Variants in FSCN3 observed in about 807,000 individuals in gnomAD.
FSCN3 encodes fascin-3.
Under a neutral mutation model 53.5 loss-of-function variants are expected in FSCN3, and 43 were observed. The ratio of observed to expected loss-of-function variants is 0.80; its 90% confidence interval spans 0.63 to 1.04. The LOEUF is 1.04. Among genes scored for constraint, FSCN3 ranks in the 50% least tolerant of loss-of-function variants. The pLI, the probability that FSCN3 is intolerant of heterozygous loss-of-function variation, is 0.00. For synonymous variants in FSCN3, 235 were observed against 246.6 expected, an observed-to-expected ratio of 0.95 and a Z score of 0.44; for missense variants, 594 against 646.5, an observed-to-expected ratio of 0.92 and a Z score of 0.88.
chr7:127,596,248 G>T, intron 2 of FSCN3, 80 bp from the exon 3 acceptor site: 2 of 1,538,460 alleles, frequency 1.3e-6, no homozygotes, highest in East Asian at 2.3e-5. Flanking sequence ...AGGAGGGAGG[G>T]ACAGAAGCCC....
rs752646312 is a variant in FSCN3 at position 127,596,319 on chromosome 7, C to T, written c.842-9C>T. 1 of 1,594,264 alleles carries T rather than the reference C, an allele frequency of 6.3e-7. No homozygotes were observed. The highest frequency in any genetic ancestry group is 1.7e-5 in the Admixed American group (1 of 59,926). ...GGGAGGCTTTTACTGACATGCGCTT[C>T]CTCTGCAGATGGTGAGGTGCGTGCT... On this transcript the variant is annotated splice_polypyrimidine_tract_variant and intron_variant, in intron 2 of 6. Coordinates refer to ENST00000265825, the MANE Select transcript of FSCN3 (RefSeq NM_020369.3).
rs546093614 is a variant in FSCN3 at position 127,594,136 on chromosome 7, G to A, written c.144+139G>A. ...CTTGCCTGTATATGAAAGTATACTG[G>A]AACCGGTTTTCTGAGTGGCCAAGCT... On this transcript the variant is annotated intron_variant, in intron 1 of 6. Coordinates refer to ENST00000265825, the MANE Select transcript of FSCN3 (RefSeq NM_020369.3). The A allele has an allele frequency of 7.5e-6, 8 of 1,059,784 alleles. No individual in the cohort carries two copies. The African/African-American group carries it at 9.9e-5, about 13-fold the overall frequency. The allele number at this position is 1,059,784 out of a possible 1,614,324, so 65.6% of individuals were successfully genotyped here.
chr7:127,598,643 T>G, intron 4 of FSCN3, 49 bp downstream of exon 4: 1 of 1,480,710 alleles, frequency 6.8e-7, no homozygotes. Flanking sequence ...AGGGAGAACT[T>G]TAGAGGGAGG....
intron 1 of FSCN3, 56 bp downstream of exon 1, chr7:127,594,053 TGTGTGTGC>T: frequency 6.3e-7 from 1 of 1,593,632 alleles, no homozygotes; most frequent in Non-Finnish European, 8.6e-7. Flanking sequence ...GCTGTGTGTG[TGTGTGTGC>T]GCGCGCGCGT....
chr7:127,595,670 G>A lies in FSCN3; in HGVS notation c.508G>A (p.Ala170Thr), dbSNP rs1378024231. ...CACTATGGGCCGCATCTGGGTGGAC[G>A]CAGCAGTTCCCTGCCTGGAGGAGTG... ...DPTMGRIWVD[A>T]AVPCLEECGF... The change falls in exon 2 of 7, where the codon GCA becomes ACA. Residue 170 changes from alanine (A) to threonine (T), a missense_variant. Coordinates refer to ENST00000265825, the MANE Select transcript of FSCN3 (RefSeq NM_020369.3). 8.7e-6 allele frequency: 14 copies of A among 1,613,934 alleles called. No homozygotes were observed. Among genetic ancestry groups the A allele is most frequent in the Middle Eastern group, 1.6e-4 (1 of 6,062 alleles).
chr7:127,596,101 TAAGG>T, intron 2 of FSCN3, 98 bp downstream of exon 2: 1 of 1,483,916 alleles, frequency 6.7e-7, no homozygotes, highest in African/African-American at 1.4e-5. Flanking sequence ...AGTCTGCTAA[TAAGG>T]AAGATCCTGG....
Position 127,593,910 on chromosome 7 carries a change from G to T in FSCN3, c.57G>T (p.Gly19=). ...CCAAGGCTGAGGACCTAAGGGTTGG[G>T]CTCATCAGCTGGGCAGGAACCTACC... is the stretch of plus-strand genomic sequence containing the variant. The part of the protein sequence containing the change: ...RHPKAEDLRV[G]LISWAGTYLT... Residue 19 remains glycine (G), a synonymous_variant, in exon 1 of 7, where the codon GGG becomes GGT. Transcript: ENST00000265825. 2 of 1,600,410 alleles carry T rather than the reference G, an allele frequency of 1.2e-6. No homozygotes were observed. Among genetic ancestry groups the T allele is most frequent in the Non-Finnish European group, 1.7e-6 (2 of 1,173,298 alleles).
At chr7:127,594,193 T>TGTGA (rs1794343994) in intron 1 of FSCN3, among the ~76,000 whole-genome samples, 196 bp downstream of exon 1, 1 of 147,872 alleles carries the variant, frequency 6.8e-6, no homozygotes, top group Non-Finnish European at 1.5e-5. Context: ...TGTGTGTGTG[T>TGTGA]GTGTACTTGC....
At chr7:127,600,661 A>AG (rs1794460004) in intron 6 of FSCN3, among the ~76,000 whole-genome samples, 1 of 152,294 alleles carries the variant, frequency 6.6e-6, no homozygotes, top group African/African-American at 2.4e-5. Context: ...GCACGCTTGG[A>AG]GGGGACAGGG....
intron 2 of FSCN3, 118 bp from the exon 3 acceptor site, chr7:127,596,210 A>G: frequency 1.3e-6 from 2 of 1,523,360 alleles, no homozygotes; most frequent in Non-Finnish European, 8.8e-7. Flanking sequence ...CAGACCTACC[A>G]TGGTCCAACA....
chr7:127,598,718 C>T, intron 4 of FSCN3, 124 bp downstream of exon 4: 1 of 797,452 alleles, frequency 1.3e-6, no homozygotes, highest in Non-Finnish European at 2.0e-6. Context: ...GTAATCCCAG[C>T]ACTTTGGGAG....
chr7:127,594,269 TGTGTGTGTGTGC>T lies in FSCN3; in HGVS notation c.144+274_144+285del, dbSNP rs1189018552. ...CAAGCTGTGTGTGTGTGTGTGTGTG[TGTGTGTGTGTGC>T]GCACTTGCCTGTATATGAAAGCAGG... On this transcript the variant is annotated intron_variant, in intron 1 of 6. Transcript: ENST00000265825. Among the ~76,000 whole-genome samples the T allele has an allele frequency of 2.9e-3, 320 of 111,652 alleles. 3 individuals carry two copies. The highest frequency in any genetic ancestry group is 7.9e-3 in the African/African-American group (194 of 24,454). 73.2% of individuals were successfully genotyped at this position (111,652 alleles called of 152,430 possible).
chr7:127,596,477 C>A, intron 3 of FSCN3, 31 bp downstream of exon 3: 1 of 1,055,132 alleles, frequency 9.5e-7, no homozygotes, highest in Non-Finnish European at 1.5e-6. Context: ...GCAAGAGAAA[C>A]CTTAAGCTCT....
intron 3 of FSCN3, 150 bp downstream of exon 3, chr7:127,596,596 G>T: frequency 2.2e-6 from 1 of 447,726 alleles, no homozygotes; most frequent in East Asian, 3.2e-5. Context: ...CCCAATGGGG[G>T]CTCCTTTAAA....
At chr7:127,594,160 CTGTGTGTG>C (rs749215425) in intron 1 of FSCN3, among the ~76,000 whole-genome samples, 163 bp downstream of exon 1, 1,348 of 89,198 alleles carry the variant, frequency 0.015, 32 homozygotes, top group African/African-American at 0.057. Context: ...AGTGGCCAAG[CTGTGTGTG>C]TGTGTGTGTG....
At chr7:127,597,831 G>A (rs962178648) in intron 3 of FSCN3, among the ~76,000 whole-genome samples, 4 of 152,140 alleles carry the variant, frequency 2.6e-5, no homozygotes, top group African/African-American at 9.7e-5. Flanking sequence ...CTATTCAGAT[G>A]CTTTGCCATT....
intron 6 of FSCN3, 37 bp downstream of exon 6, chr7:127,600,436 GA>G: frequency 2.4e-6 from 3 of 1,275,690 alleles, no homozygotes; most frequent in Non-Finnish European, 3.4e-6. Flanking sequence ...TAGGGGAGCA[GA>G]AGCCATGGGG....
In FSCN3 at chr7:127,595,479, C is replaced by T; in HGVS notation, c.317C>T (p.Thr106Ile). The T allele has an allele frequency of 6.2e-7, 1 of 1,614,044 alleles. No homozygotes were observed. The highest frequency in any genetic ancestry group is 8.5e-7 in the Non-Finnish European group (1 of 1,179,874). ...LLRFHRNSKW[T>I]LQCLISGRYL... Reference sequence around the variant, plus strand: ...CGTTTCCACCGGAACAGCAAGTGGACCCTCCAGTGCCTAATCTCTGGTCGT... The same window carrying T: ...CGTTTCCACCGGAACAGCAAGTGGATCCTCCAGTGCCTAATCTCTGGTCGT... The change falls in exon 2 of 7, where the codon ACC becomes ATC. Residue 106 changes from threonine to isoleucine, a missense_variant. Coordinates refer to ENST00000265825, the MANE Select transcript of FSCN3 (RefSeq NM_020369.3).
chr7:127,595,495 C>G lies in FSCN3; in HGVS notation c.333C>G (p.Ile111Met), dbSNP rs1445093558. ...RNSKWTLQCL[I>M]SGRYLESNGK... Reference sequence around the variant, plus strand: ...GCAAGTGGACCCTCCAGTGCCTAATCTCTGGTCGTTATTTGGAGTCCAATG... The same window carrying G: ...GCAAGTGGACCCTCCAGTGCCTAATGTCTGGTCGTTATTTGGAGTCCAATG... The change falls in exon 2 of 7, where the codon ATC (isoleucine) becomes ATG (methionine). Residue 111 changes from isoleucine (I) to methionine (M), a missense_variant. By Grantham distance (10) the Ile-to-Met change is conservative (BLOSUM62 1). Transcript: ENST00000265825. 1 of 1,614,104 alleles carries G rather than the reference C, an allele frequency of 6.2e-7. No individual in the cohort carries two copies. Among genetic ancestry groups the G allele is most frequent in the Non-Finnish European group, 8.5e-7 (1 of 1,180,038 alleles).
Sources: allele counts gnomAD v4.1 joint callset (sites outside exome capture counted in the v4.1 genomes callset), GRCh38; gene constraint gnomAD v4.1.1; transcripts MANE v1.5; gene names NCBI Gene and HGNC (gene_info 2026-07-23, HGNC 2026-07-21).